The following PGM5 variants were observed in gnomAD, a reference collection of about 807,000 sequenced individuals.
PGM5 encodes phosphoglucomutase 5.
Under a neutral mutation model 59.2 loss-of-function variants are expected in PGM5, and 23 were observed. The ratio of observed to expected loss-of-function variants is 0.39; its 90% CI spans 0.28 to 0.55. The LOEUF (loss-of-function observed/expected upper bound fraction) is 0.55, where lower values mean the gene tolerates loss of function less well. Among genes scored for constraint, PGM5 ranks in the 20% least tolerant of loss-of-function variants. PGM5 has a pLI of 0.66. For synonymous variants in PGM5, 214 were observed against 286.0 expected (o/e 0.75, Z 2.54); for missense variants, 574 against 748.3 (o/e 0.77, Z 2.72).
At chr9:68,476,627 A>T (rs1455542574) in intron 7 of PGM5, among the ~76,000 whole-genome samples, 1 of 152,228 alleles carries the variant, frequency 6.6e-6, no homozygotes, top group Admixed American at 6.5e-5. Context: ...TGTGTAATTG[A>T]AGCATCATTA....
Position 68,528,968 on chromosome 9 carries a change from C to G in PGM5, c.1615-599C>G, listed in dbSNP as rs140793395. 3.4e-4 allele frequency among the ~76,000 whole-genome samples: 52 copies of G among 152,250 alleles called. No individual in the cohort carries two copies. The East Asian group carries it at 9.3e-3, about 27-fold the overall frequency. ...CCTTCAACTTCCCAAGAACCTATTC[C>G]TTAGGCTTCTAAAGCATGCCCACCT... is the stretch of plus-strand genomic sequence containing the variant. On this transcript the variant is annotated intron_variant, in intron 10 of 10. Coordinates refer to ENST00000396396, the MANE Select transcript of PGM5 (RefSeq NM_021965.4).
At chr9:68,499,504 C>A in intron 10 of PGM5, 143 bp downstream of exon 10, 1 of 818,184 alleles carries the variant, frequency 1.2e-6, no homozygotes, top group Non-Finnish European at 1.9e-6. Context: ...AGGGCAACTC[C>A]AAGCAAGTTT....
rs527335027 is a variant in PGM5, at chr9:68,379,175, A to G, written c.424+814A>G. Among the ~76,000 whole-genome samples, 1,316 of 152,280 alleles carry G rather than the reference A, an allele frequency of 8.6e-3. 18 individuals are homozygous for G. The highest frequency in any genetic ancestry group is 0.03 in the African/African-American group (1,265 of 41,566). On this transcript the variant is annotated intron_variant, in intron 2 of 10. Coordinates refer to ENST00000396396, the MANE Select transcript of PGM5 (RefSeq NM_021965.4). ...TAATCTATAGTCAAATTTTTCAATA[A>G]TCCCCAAAATATTATTATTTATAGC... is the stretch of plus-strand genomic sequence containing the variant.
At chr9:68,428,543 C>G (rs1823284786) in intron 6 of PGM5, 1 of 152,162 alleles carries the variant, frequency 6.6e-6, no homozygotes, top group African/African-American at 2.4e-5. Flanking sequence ...CATCCTAATG[C>G]CTGTTTCCCC....
chr9:68,471,616 T>TAAAA lies in PGM5; in HGVS notation c.1159+6422_1159+6425dup, dbSNP rs782012642. On this transcript the variant is annotated intron_variant, in intron 7 of 10. Coordinates refer to ENST00000396396, the MANE Select transcript of PGM5 (RefSeq NM_021965.4). ...GTCAACACAAAAAGACCCTGTCTCT[T>TAAAA]AAAAAAAAAAAAAAAAAGAGAGACT... 6.0e-5 allele frequency among the ~76,000 whole-genome samples: 8 copies of TAAAA among 132,812 alleles called. No homozygotes were observed. The East Asian group carries it at 1.3e-3, about 22-fold the overall frequency. The allele number at this position is 132,812 out of a possible 152,430, so 87.1% of individuals were successfully genotyped here.
rs551464879 is a variant in PGM5, at chr9:68,393,430, A to C, written c.1043+957A>C. On this transcript the variant is annotated intron_variant, in intron 6 of 10. Coordinates refer to ENST00000396396, the MANE Select transcript of PGM5 (RefSeq NM_021965.4). ...GCTTGTAACCTGCTTTTTCTTTTCC[A>C]TCAACAATTGCCAACTACCAATTAA... Among the ~76,000 whole-genome samples, 5 of 152,162 alleles carry C rather than the reference A, an allele frequency of 3.3e-5. No individual in the cohort carries two copies. The South Asian group carries it at 1.0e-3, about 32-fold the overall frequency.
chr9:68,385,462 G>T (rs1391259883), intron 3 of PGM5, among the ~76,000 whole-genome samples: 41 of 152,096 alleles, frequency 2.7e-4, no homozygotes, highest in Non-Finnish European at 4.6e-4. Context: ...TGTGTGGGGG[G>T]TCACAGTATT....
intron 9 of PGM5, among the ~76,000 whole-genome samples, chr9:68,494,388 C>T (rs546657376): frequency 1.6e-4 from 25 of 152,252 alleles, no homozygotes; most frequent in African/African-American, 6.0e-4. Context: ...TGTATGAAAC[C>T]TTAAATCCTA....
At chr9:68,476,473 C>A (rs531387628) in intron 7 of PGM5, among the ~76,000 whole-genome samples, 1 of 152,232 alleles carries the variant, frequency 6.6e-6, no homozygotes, top group Non-Finnish European at 1.5e-5. Flanking sequence ...CCATTTGATA[C>A]CTTTGTGCTT....
chr9:68,389,453 T>A (rs1381791115), intron 4 of PGM5, among the ~76,000 whole-genome samples: 1 of 152,026 alleles, frequency 6.6e-6, no homozygotes, highest in East Asian at 1.9e-4. Context: ...TCTGCCCCCA[T>A]AGTTTTGCAT....
chr9:68,411,810 G>C (rs1292450787), intron 6 of PGM5, among the ~76,000 whole-genome samples: 3 of 152,100 alleles, frequency 2.0e-5, no homozygotes, highest in Non-Finnish European at 2.9e-5. Context: ...TTGGCCTGGG[G>C]AATCGGAACT....
intron 10 of PGM5, among the ~76,000 whole-genome samples, chr9:68,516,782 G>C (rs942671440): frequency 6.6e-6 from 1 of 152,176 alleles, no homozygotes; most frequent in Non-Finnish European, 1.5e-5. Flanking sequence ...TGCTTTGCCA[G>C]CTCTAGTGTG....
intron 6 of PGM5, among the ~76,000 whole-genome samples, chr9:68,454,407 A>AAGGAGTATC (rs1213846110): frequency 1.3e-5 from 2 of 152,140 alleles, no homozygotes; most frequent in African/African-American, 4.8e-5. Context: ...TCATTGATAC[A>AAGGAGTATC]AGGAGTATCC....
chr9:68,511,545 C>CTTTTTTTTTTTTTTTTT (rs3064033), intron 10 of PGM5, among the ~76,000 whole-genome samples: 1 of 62,736 alleles, frequency 1.6e-5, no homozygotes, highest in Non-Finnish European at 2.8e-5. Flanking sequence ...TTGTTTTTGC[C>CTTTTTTTTTTTTTTTTT]TTTTTTTTTT....
Position 68,356,955 on chromosome 9 carries a change from GGGGCGGGCGGTCCCC to G in PGM5, c.-172_-158del, listed in dbSNP as rs1351065167. The G allele has an allele frequency of 6.9e-5, 37 of 534,954 alleles. No individual in the cohort carries two copies. The highest frequency in any genetic ancestry group is 2.7e-5 in the Non-Finnish European group (9 of 332,796). The allele number at this position is 534,954 out of a possible 1,614,324, so 33.1% of individuals were successfully genotyped here. On this transcript the variant is annotated 5_prime_UTR_variant, in exon 1 of 11. Transcript: ENST00000396396. ...CAGCCGAGCGGCCGCGCGGAGAGGAGGGGCGGGCGGTCCCCAGGCGGGCGGGTGCAGGGCGCAGGG... is the reference window on the plus strand; with the variant it reads ...CAGCCGAGCGGCCGCGCGGAGAGGAGAGGCGGGCGGGTGCAGGGCGCAGGG...
intron 6 of PGM5, among the ~76,000 whole-genome samples, chr9:68,451,174 T>C (rs1322198943): frequency 6.6e-6 from 1 of 152,196 alleles, no homozygotes; most frequent in Non-Finnish European, 1.5e-5. Flanking sequence ...CCTAGGACTG[T>C]TGATATTCAT....
intron 1 of PGM5, among the ~76,000 whole-genome samples, chr9:68,361,053 G>A (rs1242933760): frequency 3.3e-5 from 5 of 152,104 alleles, no homozygotes; most frequent in African/African-American, 9.7e-5. Flanking sequence ...TGAGTAGCTA[G>A]GACTATAGGT....
chr9:68,498,943 T>G, intron 9 of PGM5: 1 of 354,912 alleles, frequency 2.8e-6, no homozygotes, highest in Non-Finnish European at 5.2e-6. Context: ...TCTTTCTGAT[T>G]CCCATATCAC....
At chr9:68,527,948 T>C (rs923529552) in intron 10 of PGM5, among the ~76,000 whole-genome samples, 3 of 152,228 alleles carry the variant, frequency 2.0e-5, no homozygotes, top group African/African-American at 4.8e-5. Flanking sequence ...CTCACATCTC[T>C]CAGGATTCTT....
Sources: gnomAD v4.1 joint callset for allele counts (sites outside exome capture counted in the v4.1 genomes callset) on GRCh38, gnomAD v4.1.1 for gene constraint, MANE v1.5 for transcripts, NCBI Gene and HGNC (gene_info 2026-07-23, HGNC 2026-07-21) for gene names.